Variants in CLVS1 observed in about 807,000 individuals in gnomAD.
CLVS1 encodes clavesin 1.
Under a neutral mutation model 33.1 loss-of-function variants are expected in CLVS1, and 10 were observed. The observed-to-expected ratio is 0.30, with a 90% confidence interval of 0.19 to 0.51. The LOEUF (loss-of-function observed/expected upper bound fraction) is 0.51, where lower values mean the gene tolerates loss of function less well. Ranked by LOEUF, CLVS1 falls within the 20% of genes least tolerant of loss-of-function variation. The pLI is 0.97. For synonymous variants in CLVS1, 163 were observed against 166.1 expected (o/e 0.98, Z 0.14); for missense variants, 343 against 433.4 (o/e 0.79, Z 1.85).
intron 2 of CLVS1, among the ~76,000 whole-genome samples, chr8:61,230,908 T>C (rs1369920705): frequency 6.6e-6 from 1 of 152,150 alleles, no homozygotes; most frequent in Non-Finnish European, 1.5e-5. Context: ...GCTCACATAG[T>C]GGAGAGGGCA....
At position 61,159,835 on chromosome 8, in the gene CLVS1, C is replaced by T. The variant is rs529081900; in HGVS notation, c.-152+27975C>T. On this transcript the variant is annotated intron_variant, in intron 2 of 2. Coordinates refer to the CLVS1 transcript ENST00000522621. ...GTGAGCTACGTCCTGAACAAAACAC[C>T]AAGGGTGCAAGAGCAAGGAGACATC... Among the ~76,000 whole-genome samples the T allele has an allele frequency of 3.9e-4, 60 of 152,258 alleles. 1 individual carries two copies. Among genetic ancestry groups the T allele is most frequent in the Middle Eastern group, 3.4e-3 (1 of 294 alleles).
chr8:61,035,957 T>C, the CLVS1 span, among the ~76,000 whole-genome samples: 1 of 152,208 alleles, frequency 6.6e-6, no homozygotes, highest in Non-Finnish European at 1.5e-5. Flanking sequence ...CTGGGTAGGT[T>C]GATACTGTTC....
chr8:61,179,712 G>T (rs770629457), intron 2 of CLVS1, among the ~76,000 whole-genome samples: 14 of 152,212 alleles, frequency 9.2e-5, no homozygotes, highest in Admixed American at 3.3e-4. Context: ...ACAACTACAT[G>T]GAAATTGAAC....
chr8:60,968,258 G>A, the CLVS1 span, among the ~76,000 whole-genome samples: 543 of 152,288 alleles, frequency 3.6e-3, 2 homozygotes, highest in African/African-American at 0.013. Flanking sequence ...GCCCGTAATC[G>A]CAGCACTTTG....
At chr8:61,355,733 G>A (rs1812673095) in intron 2 of CLVS1, among the ~76,000 whole-genome samples, 1 of 150,080 alleles carries the variant, frequency 6.7e-6, no homozygotes. Context: ...TCCCTACAAA[G>A]GACATGAAGT....
chr8:61,368,666 GA>G (rs1813310129), intron 2 of CLVS1, among the ~76,000 whole-genome samples: 1 of 152,158 alleles, frequency 6.6e-6, no homozygotes, highest in East Asian at 1.9e-4. Context: ...TCTGTGAACT[GA>G]ACTGAACCAA....
chr8:61,400,266 A>G (rs1199203776), intron 3 of CLVS1, among the ~76,000 whole-genome samples: 2 of 151,880 alleles, frequency 1.3e-5, no homozygotes, highest in Non-Finnish European at 2.9e-5. Flanking sequence ...TGTTAGCTGT[A>G]TTCTTCGCAT....
chr8:61,097,053 A>G (rs929704042), intron 1 of CLVS1, among the ~76,000 whole-genome samples: 2 of 152,262 alleles, frequency 1.3e-5, no homozygotes, highest in African/African-American at 4.8e-5. Flanking sequence ...AAAGGTCTCT[A>G]AACCCACTAT....
chr8:61,159,966 G>A (rs1806720955), intron 2 of CLVS1, among the ~76,000 whole-genome samples: 1 of 152,200 alleles, frequency 6.6e-6, no homozygotes, highest in Admixed American at 6.5e-5. Context: ...AGTATTTATA[G>A]TTCTTCTCCA....
intron 2 of CLVS1, among the ~76,000 whole-genome samples, chr8:61,318,712 C>G (rs778189285): frequency 2.2e-4 from 34 of 152,248 alleles, no homozygotes; most frequent in Middle Eastern, 3.4e-3. Context: ...CCTCTTCATT[C>G]TCTCCCAGTT....
intron 1 of CLVS1, among the ~76,000 whole-genome samples, chr8:61,074,486 T>A (rs1334870163): frequency 1.4e-5 from 2 of 144,522 alleles, no homozygotes; most frequent in Admixed American, 6.9e-5. Flanking sequence ...TATAAGTATA[T>A]GTGTATATAT....
At chr8:61,195,540 A>AT (rs931032271) in intron 2 of CLVS1, among the ~76,000 whole-genome samples, 30 of 151,702 alleles carry the variant, frequency 2.0e-4, no homozygotes, top group South Asian at 8.3e-4. Context: ...AGGAAAGTGT[A>AT]TTTTTTTCTC....
chr8:61,009,631 C>G, the CLVS1 span, among the ~76,000 whole-genome samples: 1 of 152,078 alleles, frequency 6.6e-6, no homozygotes, highest in Non-Finnish European at 1.5e-5. Context: ...TCTTATTGGT[C>G]TGTAGGACCT....
intron 5 of CLVS1, among the ~76,000 whole-genome samples, chr8:61,479,005 C>A (rs1818074783): frequency 6.6e-6 from 1 of 152,168 alleles, no homozygotes; most frequent in Admixed American, 6.5e-5. Context: ...TCTCTGGCTG[C>A]CCTTAACATT....
intron 2 of CLVS1, among the ~76,000 whole-genome samples, chr8:61,140,743 T>A (rs946485846): frequency 2.0e-5 from 3 of 152,022 alleles, no homozygotes; most frequent in African/African-American, 7.2e-5. Flanking sequence ...TTTTTTTGTA[T>A]TTTTAGTAGA....
At chr8:61,105,420 A>G (rs1234015356) in intron 1 of CLVS1, among the ~76,000 whole-genome samples, 1 of 152,154 alleles carries the variant, frequency 6.6e-6, no homozygotes, top group African/African-American at 2.4e-5. Flanking sequence ...TTTTCAACCT[A>G]TCAGAGAGAA....
chr8:60,973,874 G>A, the CLVS1 span, among the ~76,000 whole-genome samples: 1 of 152,202 alleles, frequency 6.6e-6, no homozygotes, highest in South Asian at 2.1e-4. Context: ...TCCTGGGTGG[G>A]GGAGGTGGAG....
At chr8:60,993,707 C>A in the CLVS1 span, among the ~76,000 whole-genome samples, 1 of 152,190 alleles carries the variant, frequency 6.6e-6, no homozygotes, top group Admixed American at 6.5e-5. Context: ...CATTGCACAG[C>A]GGCTAGCACC....
intron 1 of CLVS1, among the ~76,000 whole-genome samples, chr8:61,122,573 C>T (rs1426863380): frequency 1.6e-5 from 1 of 63,138 alleles, no homozygotes; most frequent in Non-Finnish European, 2.9e-5. Context: ...TAAGAAAACA[C>T]ACACACACAC....
Sources: gnomAD v4.1 joint callset for allele counts (sites outside exome capture counted in the v4.1 genomes callset) on GRCh38, gnomAD v4.1.1 for gene constraint, MANE v1.5 for transcripts, NCBI Gene and HGNC (gene_info 2026-07-23, HGNC 2026-07-21) for gene names.